The following TBC1D4 variants were observed in gnomAD, a reference collection of about 807,000 sequenced individuals.
TBC1D4 encodes TBC1 domain family member 4.
TBC1D4 carries 121 observed loss-of-function variants against 142.5 expected under a neutral mutation model. The observed-to-expected ratio is 0.85, with a 90% confidence interval of 0.73 to 0.99. The LOEUF (loss-of-function observed/expected upper bound fraction) is 0.99, where lower values mean the gene tolerates loss of function less well. Ranked by LOEUF, TBC1D4 falls within the 50% of genes least tolerant of loss-of-function variation. The probability of loss-of-function intolerance (pLI) is 0.00; values close to 1 mark genes in which losing one functional copy is unlikely to be tolerated. For synonymous variants in TBC1D4, 630 were observed against 628.2 expected (o/e 1.00, Z -0.04); for missense variants, 1,475 against 1,606.6 (o/e 0.92, Z 1.40).
chr13:75,458,177 T>C (rs899960557), intron 1 of TBC1D4, among the ~76,000 whole-genome samples: 7 of 152,084 alleles, frequency 4.6e-5, no homozygotes, highest in Non-Finnish European at 8.8e-5. Context: ...GAGGATTTTA[T>C]TGAGTGGTGC....
rs1013452725 is a variant in TBC1D4 at position 75,327,795 on chromosome 13, C to A, written c.1763G>T (p.Ser588Ile). The A allele has an allele frequency of 6.2e-7, 1 of 1,614,018 alleles. No homozygotes were observed. The highest frequency in any genetic ancestry group is 1.3e-5 in the African/African-American group (1 of 75,056). ...GANRMRGRLG[S>I]VDSFERSNSL... ...GTTGGACCGTTCAAAACTGTCCACA[C>A]TTCCAAGCCGACCTCTCATTCTGTT... The change falls in exon 9 of 21, where the codon AGT becomes ATT. Residue 588 changes from serine to isoleucine, a missense_variant. By Grantham distance (142) the Ser-to-Ile change is moderately radical. Around this residue, in one of 2 missense-constraint regions of TBC1D4, gnomAD observed 1,227 missense variants for 1,267.7 expected, o/e 0.97. Transcript: ENST00000377636.
Position 75,323,954 on chromosome 13 carries a change from A to G in TBC1D4, c.2198+283T>C, listed in dbSNP as rs113115540. On this transcript the variant is annotated intron_variant, in intron 11 of 20. Coordinates refer to ENST00000377636, the MANE Select transcript of TBC1D4 (RefSeq NM_014832.5). Reference sequence around the variant, plus strand: ...TTAGCATCAGTTGTGCTAACAATACAAAGCTTAGACTCTGGAGTTTGAGAA... The same window carrying G: ...TTAGCATCAGTTGTGCTAACAATACGAAGCTTAGACTCTGGAGTTTGAGAA... Among the ~76,000 whole-genome samples the G allele has an allele frequency of 5.5e-3, 842 of 152,330 alleles. 6 individuals carry two copies. Among genetic ancestry groups the G allele is most frequent in the African/African-American group, 0.019 (800 of 41,578 alleles).
At chr13:75,302,144 T>G (rs1178444850) in intron 16 of TBC1D4, 99 bp downstream of exon 16, 1 of 1,454,446 alleles carries the variant, frequency 6.9e-7, no homozygotes, top group South Asian at 1.1e-5. Flanking sequence ...TGCCAACAGG[T>G]GCTCTTTATC....
chr13:75,367,593 A>C (rs1421530795), intron 1 of TBC1D4, among the ~76,000 whole-genome samples: 1 of 152,144 alleles, frequency 6.6e-6, no homozygotes, highest in Non-Finnish European at 1.5e-5. Context: ...ATGAGAAAGA[A>C]TAGCAATTTA....
chr13:75,413,354 G>T (rs374339466), intron 1 of TBC1D4, among the ~76,000 whole-genome samples: 26 of 152,178 alleles, frequency 1.7e-4, no homozygotes, highest in African/African-American at 6.0e-4. Context: ...TAAAGACAGG[G>T]TTTCACCATG....
At chr13:75,367,589 A>T (rs1194784932) in intron 1 of TBC1D4, among the ~76,000 whole-genome samples, 3 of 152,146 alleles carry the variant, frequency 2.0e-5, no homozygotes, top group African/African-American at 7.2e-5. Context: ...CCTAATGAGA[A>T]AGAATAGCAA....
At chr13:75,308,140 A>G (rs1877367014) in intron 14 of TBC1D4, among the ~76,000 whole-genome samples, 1 of 152,224 alleles carries the variant, frequency 6.6e-6, no homozygotes, top group South Asian at 2.1e-4. Flanking sequence ...TCAAGAAATA[A>G]TTATCCATTG....
At chr13:75,320,867 C>CA (rs148657060) in intron 11 of TBC1D4, among the ~76,000 whole-genome samples, 5,466 of 84,306 alleles carry the variant, frequency 0.065, 251 homozygotes, top group African/African-American at 0.16. Flanking sequence ...ACTAAAAATA[C>CA]AAAAAAAAAA....
intron 1 of TBC1D4, among the ~76,000 whole-genome samples, chr13:75,371,954 C>A (rs1008460529): frequency 6.6e-6 from 1 of 152,050 alleles, no homozygotes; most frequent in African/African-American, 2.4e-5. Flanking sequence ...TGAAAAATAA[C>A]CTTATGTTTC....
chr13:75,356,813 A>G (rs1413963211), intron 3 of TBC1D4, among the ~76,000 whole-genome samples: 1 of 152,220 alleles, frequency 6.6e-6, no homozygotes, highest in Admixed American at 6.5e-5. Flanking sequence ...GTGACAAATC[A>G]TTGTACTTCC....
At chr13:75,307,172 G>T (rs1877268905) in intron 14 of TBC1D4, among the ~76,000 whole-genome samples, 1 of 152,128 alleles carries the variant, frequency 6.6e-6, no homozygotes, top group Non-Finnish European at 1.5e-5. Flanking sequence ...ATGCTGCCCA[G>T]GCTGGTCTTA....
At chr13:75,403,025 C>T (rs770218023) in intron 1 of TBC1D4, among the ~76,000 whole-genome samples, 1 of 152,206 alleles carries the variant, frequency 6.6e-6, no homozygotes, top group Non-Finnish European at 1.5e-5. Context: ...CATTTGCAGT[C>T]ATGGGGAAAG....
rs1566367188 is a variant in TBC1D4, at chr13:75,312,856, A to G, written c.2265T>C (p.Asn755=). 1 of 1,614,194 alleles carries G rather than the reference A, an allele frequency of 6.2e-7. No individual in the cohort carries two copies. The highest frequency in any genetic ancestry group is 8.5e-7 in the Non-Finnish European group (1 of 1,180,034). ...AGGTTCCTCCCACACTTAGGGACTC[A>G]TTGCTGCAGGTAGATGAGGTCCTTT... ...GRKRTSSTCS[N]ESLSVGGTSV... is the part of the protein sequence containing the mutation. The change falls in exon 13 of 21, where the codon AAT becomes AAC. Residue 755 remains asparagine, a synonymous_variant. Transcript: ENST00000377636.
At chr13:75,353,434 C>T (rs2138133610) in intron 4 of TBC1D4, among the ~76,000 whole-genome samples, 1 of 152,256 alleles carries the variant, frequency 6.6e-6, no homozygotes, top group East Asian at 1.9e-4. Flanking sequence ...CAAGCACCTG[C>T]TATCCTAGAA....
chr13:75,370,883 G>T (rs972418120), intron 1 of TBC1D4, among the ~76,000 whole-genome samples: 1 of 152,124 alleles, frequency 6.6e-6, no homozygotes, highest in Non-Finnish European at 1.5e-5. Flanking sequence ...AAGACAGAGA[G>T]AGAAAGACAG....
intron 1 of TBC1D4, among the ~76,000 whole-genome samples, chr13:75,374,214 G>A (rs546451206): frequency 2.6e-5 from 4 of 152,158 alleles, no homozygotes; most frequent in Admixed American, 6.5e-5. Flanking sequence ...CCCTGTGGAC[G>A]GAGATGTCCT....
intron 8 of TBC1D4, among the ~76,000 whole-genome samples, chr13:75,335,702 T>TTC (rs1166406308): frequency 6.6e-6 from 1 of 152,012 alleles, no homozygotes; most frequent in Non-Finnish European, 1.5e-5. Flanking sequence ...CACCTCCTCA[T>TTC]TCTCTCTCTC....
chr13:75,469,057 T>G (rs1316255477), intron 1 of TBC1D4, among the ~76,000 whole-genome samples: 1 of 152,138 alleles, frequency 6.6e-6, no homozygotes, highest in Non-Finnish European at 1.5e-5. Context: ...AAGTGACATT[T>G]GCAATTTAAC....
At chr13:75,455,976 T>TGC (rs1887718756) in intron 1 of TBC1D4, among the ~76,000 whole-genome samples, 1 of 152,054 alleles carries the variant, frequency 6.6e-6, no homozygotes, top group Non-Finnish European at 1.5e-5. Flanking sequence ...CATATATAAA[T>TGC]ATTAATCTGC....
Sources: allele counts gnomAD v4.1 joint callset (sites outside exome capture counted in the v4.1 genomes callset), GRCh38; gene constraint gnomAD v4.1.1; regional missense constraint gnomAD v4.1.1; transcripts MANE v1.5; gene names NCBI Gene and HGNC (gene_info 2026-07-23, HGNC 2026-07-21).